Variants in TCTN1 observed in about 807,000 individuals in gnomAD.
TCTN1 encodes the protein tectonic family member 1, also known as tectonic-1.
TCTN1 carries 58 observed loss-of-function variants against 65.8 expected under a neutral mutation model. That is an observed-to-expected ratio of 0.88 (90% confidence interval 0.71 to 1.10). TCTN1 has a LOEUF of 1.10. Among genes scored for constraint, TCTN1 ranks in the 50% least tolerant of loss-of-function variants. TCTN1 has a pLI of 0.00. For missense variants in TCTN1, 645 were observed against 719.4 expected, an observed-to-expected ratio of 0.90 and a Z score of 1.18; for synonymous variants, 273 against 289.1, an observed-to-expected ratio of 0.94 and a Z score of 0.57.
chr12:110,645,138 G>A lies in TCTN1; in HGVS notation c.1494+9G>A, dbSNP rs778390452. On this transcript the variant is annotated intron_variant, in intron 12 of 14. Transcript: ENST00000397659. ...AGTCATTCAACAGGAAGGTAAAGGG[G>A]AGAAGGTACAGGTTCCATGCTAGTG... The A allele has an allele frequency of 6.2e-6, 10 of 1,613,772 alleles. No individual in the cohort carries two copies. Among genetic ancestry groups the A allele is most frequent in the Non-Finnish European group, 8.5e-6 (10 of 1,179,930 alleles).
intron 11 of TCTN1, chr12:110,643,698 AG>A (rs1327103161): frequency 6.6e-6 from 1 of 152,098 alleles, no homozygotes; most frequent in Non-Finnish European, 1.5e-5. Context: ...TTTTTGAGAC[AG>A]GGTCTCCCCC....
intron 2 of TCTN1, among the ~76,000 whole-genome samples, chr12:110,620,177 G>GCA (rs2065318828): frequency 1.7e-4 from 26 of 152,252 alleles, no homozygotes; most frequent in Middle Eastern, 3.4e-3. Flanking sequence ...GGAGGCTGAG[G>GCA]TGGGTGGATC....
chr12:110,621,005 A>G (rs1188964085), intron 2 of TCTN1, among the ~76,000 whole-genome samples: 2 of 152,054 alleles, frequency 1.3e-5, no homozygotes, highest in East Asian at 1.9e-4. Flanking sequence ...GGGTTTCACC[A>G]TATTGGTCAG....
At chr12:110,641,320 T>A (rs964735317) in intron 9 of TCTN1, among the ~76,000 whole-genome samples, 171 bp downstream of exon 9, 1 of 152,238 alleles carries the variant, frequency 6.6e-6, no homozygotes, top group African/African-American at 2.4e-5. Flanking sequence ...TCCTTGTATC[T>A]TTTTTCCTTT....
At chr12:110,617,479 A>G (rs910051204) in intron 1 of TCTN1, among the ~76,000 whole-genome samples, 1 of 151,722 alleles carries the variant, frequency 6.6e-6, no homozygotes, top group African/African-American at 2.4e-5. Flanking sequence ...GCGCGCCACC[A>G]TGCCTGGCTA....
intron 5 of TCTN1, chr12:110,634,457 A>G: frequency 1.7e-6 from 1 of 596,970 alleles, no homozygotes; most frequent in Non-Finnish European, 3.1e-6. Context: ...CGAGAGGATC[A>G]CTTGAGGTGA....
chr12:110,641,197 G>T (rs778598879), intron 9 of TCTN1, 48 bp downstream of exon 9: 3 of 1,612,966 alleles, frequency 1.9e-6, no homozygotes, highest in Non-Finnish European at 1.7e-6. Context: ...AAGTTAAAAA[G>T]AAATAATGAC....
intron 14 of TCTN1, 96 bp downstream of exon 14, chr12:110,647,989 T>G (rs1593402071): frequency 3.2e-6 from 5 of 1,563,502 alleles, no homozygotes; most frequent in Non-Finnish European, 4.4e-6. Context: ...CATTTTATAC[T>G]TTTTGAGGGT....
rs1291603381 is a variant in TCTN1 at position 110,640,465 on chromosome 12, C to T, written c.926C>T (p.Pro309Leu). Residue 309 changes from proline (P) to leucine (L), a missense_variant, in exon 8 of 15, where the codon CCG becomes CTG. Pro to Leu is a moderately conservative substitution (Grantham distance 98). Transcript: ENST00000397659. The surrounding 1 kb of genome is among the most constrained non-coding windows in gnomAD (Gnocchi z 4.9). Reference sequence around the variant, plus strand: ...CGGGAGGACACTGATGTGCTGCAGCCGACTCTCGTCAACGCTGGACACTTT... The same window carrying T: ...CGGGAGGACACTGATGTGCTGCAGCTGACTCTCGTCAACGCTGGACACTTT... ...TRREDTDVLQPTLVNAGHFSL... is the reference protein window; with the variant it reads ...TRREDTDVLQLTLVNAGHFSL... The T allele has an allele frequency of 1.3e-5, 21 of 1,614,046 alleles. No homozygotes were observed. Among genetic ancestry groups the T allele is most frequent in the African/African-American group, 6.7e-5 (5 of 74,900 alleles).
At chr12:110,634,248 A>G in intron 5 of TCTN1, 1 of 324,422 alleles carries the variant, frequency 3.1e-6, no homozygotes, top group Non-Finnish European at 6.2e-6. Flanking sequence ...AAGAAGCCTC[A>G]TGCCAGTTGC....
At chr12:110,631,513 A>G (rs1055679478) in intron 4 of TCTN1, among the ~76,000 whole-genome samples, 1 of 152,064 alleles carries the variant, frequency 6.6e-6, no homozygotes, top group African/African-American at 2.4e-5. Flanking sequence ...GCGTGCCTGT[A>G]GTTCCAGCTA....
In TCTN1 at chr12:110,617,305, A is replaced by AT. The variant is rs1032157989; in HGVS notation, c.221-2523dup. Among the ~76,000 whole-genome samples the AT allele has an allele frequency of 1.3e-4, 20 of 150,950 alleles. No homozygotes were observed. In the East Asian group the frequency reaches 2.5e-3, roughly 19 times the overall value. ...CAAAACCTTCCCCTTCACCTCACACATTTTTTTTGCAGAGTGCATTATACC... is the reference window on the plus strand; with the variant it reads ...CAAAACCTTCCCCTTCACCTCACACATTTTTTTTTGCAGAGTGCATTATACC... On this transcript the variant is annotated intron_variant, in intron 1 of 14. Coordinates refer to ENST00000397659, the MANE Select transcript of TCTN1 (RefSeq NM_001082538.3).
chr12:110,628,005 C>G (rs1364530216), intron 3 of TCTN1: 1 of 1,523,814 alleles, frequency 6.6e-7, no homozygotes, highest in Admixed American at 2.0e-5. Context: ...GTAACACCAG[C>G]CCAGTGAACA....
chr12:110,621,153 C>T lies in TCTN1; in HGVS notation c.341+1197C>T, dbSNP rs755143559. ...AGCACTTAGAAGAGGCTCATTAATT[C>T]AGGATGGGACCAACTTAGTATTCAG... is the stretch of plus-strand genomic sequence containing the variant. On this transcript the variant is annotated intron_variant, in intron 2 of 14. Coordinates refer to ENST00000397659, the MANE Select transcript of TCTN1 (RefSeq NM_001082538.3). Among the ~76,000 whole-genome samples, 6 of 152,184 alleles carry T rather than the reference C, an allele frequency of 3.9e-5. No individual in the cohort carries two copies. The East Asian group carries it at 9.6e-4, about 24-fold the overall frequency.
At chr12:110,632,439 C>T (rs781253687) in intron 4 of TCTN1, 33 bp from the exon 5 acceptor site, 2 of 1,608,978 alleles carry the variant, frequency 1.2e-6, no homozygotes, top group African/African-American at 1.3e-5. Flanking sequence ...ACTTTAATTA[C>T]ACCATAACGA....
chr12:110,634,301 A>C, intron 5 of TCTN1: 1 of 436,900 alleles, frequency 2.3e-6, no homozygotes, highest in Non-Finnish European at 4.6e-6. Context: ...GCAGGACAAG[A>C]ATTGGAGGGG....
chr12:110,618,310 G>A (rs1593216084), intron 1 of TCTN1, among the ~76,000 whole-genome samples: 1 of 151,638 alleles, frequency 6.6e-6, no homozygotes, highest in Admixed American at 6.6e-5. Flanking sequence ...ACGCGATCTC[G>A]GCTCACTGCA....
rs201488724 is a variant in TCTN1, at chr12:110,619,966, C to T, written c.341+10C>T. 82 of 1,614,072 alleles carry T rather than the reference C, an allele frequency of 5.1e-5. 1 individual carries two copies. Among genetic ancestry groups the T allele is most frequent in the South Asian group, 3.0e-4 (27 of 91,088 alleles). ...CAGTTCCAGTTGTCACGTAAGTTTACGTATGACACATGCAATTTTGAAAAA... is the reference window on the plus strand; with the variant it reads ...CAGTTCCAGTTGTCACGTAAGTTTATGTATGACACATGCAATTTTGAAAAA... On this transcript the variant is annotated intron_variant, in intron 2 of 14. Coordinates refer to ENST00000397659, the MANE Select transcript of TCTN1 (RefSeq NM_001082538.3).
At chr12:110,638,212 A>G (rs543157279) in intron 7 of TCTN1, among the ~76,000 whole-genome samples, 11 of 152,074 alleles carry the variant, frequency 7.2e-5, no homozygotes, top group Non-Finnish European at 7.4e-5. Flanking sequence ...CTACTCTGTG[A>G]GCCCATGTGA....
Sources: allele counts gnomAD v4.1 joint callset (sites outside exome capture counted in the v4.1 genomes callset), GRCh38; gene constraint gnomAD v4.1.1; non-coding constraint Gnocchi (gnomAD v3.1); transcripts MANE v1.5; gene names NCBI Gene and HGNC (gene_info 2026-07-23, HGNC 2026-07-21).